Variants in MYL5 observed in about 807,000 individuals in gnomAD.
MYL5 encodes the protein myosin regulatory light chain 5.
A neutral mutation model predicts 20.8 loss-of-function variants in MYL5; 28 were observed. The ratio of observed to expected loss-of-function variants is 1.35; its 90% CI spans 1.00 to 1.84. MYL5 has a LOEUF of 1.84. Ranked by LOEUF, MYL5 falls within the 40% of genes most tolerant of loss-of-function variation. MYL5 has a pLI of 0.00. For synonymous variants in MYL5, 118 were observed against 87.4 expected, an observed-to-expected ratio of 1.35 and a Z score of -1.95; for missense variants, 274 against 227.3, an observed-to-expected ratio of 1.21 and a Z score of -1.32.
exon 6 of MYL5, chr4:681,136 A>T (rs1257364899): frequency 6.2e-7 from 1 of 1,605,986 alleles, no homozygotes; most frequent in Admixed American, 1.7e-5. Context: ...ATGACGGCGG[A>T]AGAGGTCTGG....
intron 1 of MYL5, 195 bp from the exon 4 acceptor site, chr4:678,463 G>A (rs1739079393): frequency 7.0e-7 from 1 of 1,431,168 alleles, no homozygotes; most frequent in African/African-American, 1.4e-5. Context: ...GCTGAAGCCA[G>A]ACACCTGCAG....
At position 681,135 on chromosome 4, in the gene MYL5, G is replaced by T. The variant is rs1233430076; in HGVS notation, c.415G>T (p.Glu139Ter). The T allele has an allele frequency of 1.2e-6, 2 of 1,605,828 alleles. No homozygotes were observed. Among genetic ancestry groups the T allele is most frequent in the Admixed American group, 1.7e-5 (1 of 59,182 alleles). The change falls in exon 6 of 7, where the codon GAA (glutamate) becomes TAA (stop). Residue 139 changes from glutamate (E) to a stop codon, truncating the protein, a stop_gained. Transcript: ENST00000400159. LOFTEE classifies it low-confidence loss of function (END_TRUNC). Reference sequence around the variant, plus strand: ...GTCCCAGGCTGACAAGATGACGGCGGAAGAGGTCTGGCCCGCGGCTTCCCT... The same window carrying T: ...GTCCCAGGCTGACAAGATGACGGCGTAAGAGGTCTGGCCCGCGGCTTCCCT...
chr4:681,308 C>T (rs997579473), intron 6 of MYL5, among the ~76,000 whole-genome samples, 168 bp downstream of exon 8: 3 of 152,098 alleles, frequency 2.0e-5, no homozygotes, highest in African/African-American at 7.2e-5. Flanking sequence ...ACGGAACTGG[C>T]TCAGAGGGAT....
chr4:675,513 G>A (rs1299786755), upstream of MYL5: 1 of 152,386 alleles, frequency 6.6e-6, no homozygotes, highest in Non-Finnish European at 1.5e-5. Flanking sequence ...CGTGATCCTG[G>A]CGGCCTGGGC....
rs1739414640 is a variant in MYL5 at position 680,954 on chromosome 4, C to A, written c.372-138C>A. 3 of 992,758 alleles carry A rather than the reference C, an allele frequency of 3.0e-6. No individual in the cohort carries two copies. The African/African-American group carries it at 4.8e-5, about 16-fold the overall frequency. The allele number at this position is 992,758 out of a possible 1,614,324, so 61.5% of individuals were successfully genotyped here. On this transcript the variant is annotated intron_variant, in intron 5 of 6. Transcript: ENST00000400159. ...GAGTGTGTGTTGGGAAGGGACCTGC[C>A]CCAGGGCCACACTCCAGCGGGAAGG...
rs558121750 is a variant in MYL5 at position 680,642 on chromosome 4, A to T, written c.371+55A>T. The T allele has an allele frequency of 1.1e-5, 17 of 1,558,936 alleles. No individual in the cohort carries two copies. In the African/African-American group the frequency reaches 1.8e-4, roughly 16 times the overall value. ...GCTTCCGGGGAACCCCAGTGATCTC[A>T]TCCTGTCCCAAAAGGGACAGTCAGC... On this transcript the variant is annotated intron_variant, in intron 5 of 6. Transcript: ENST00000400159.
At chr4:681,864 G>T in intron 6 of MYL5, 29 bp from the exon 9 acceptor site, 1 of 1,307,266 alleles carries the variant, frequency 7.6e-7, no homozygotes, top group Non-Finnish European at 9.8e-7. Context: ...CCCGGAGCCC[G>T]CAAGGAGCCC....
rs1739335196 is a variant in MYL5, at chr4:680,376, AGAGGCCACCTT to A, written c.293-131_293-121del. The A allele has an allele frequency of 9.4e-6, 9 of 959,904 alleles. No homozygotes were observed. In the African/African-American group the frequency reaches 1.5e-4, roughly 16 times the overall value. 59.5% of individuals were successfully genotyped at this position (959,904 alleles called of 1,614,324 possible). ...TCAGGAAAGGAGAAGGCCTTCAGGC[AGAGGCCACCTT>A]GTGGGCAGAGGCTTGGAGTCTCCCC... On this transcript the variant is annotated intron_variant, in intron 4 of 6. Transcript: ENST00000400159.
At chr4:677,156 C>T (rs975503731), upstream of MYL5, among the ~76,000 whole-genome samples, 17 of 152,220 alleles carry the variant, frequency 1.1e-4, no homozygotes, top group African/African-American at 2.4e-5. Context: ...CACGCAGACG[C>T]AGGCCTGGGG....
chr4:680,991 G>A (rs1007655952), intron 5 of MYL5, 101 bp from the exon 8 acceptor site: 3 of 1,325,410 alleles, frequency 2.3e-6, no homozygotes, highest in Non-Finnish European at 3.2e-6. Flanking sequence ...CGGGAGTGCA[G>A]TGAGCGAGTA....
intron 5 of MYL5, 186 bp downstream of exon 7, chr4:680,773 C>A: frequency 1.5e-6 from 1 of 673,380 alleles, no homozygotes. Flanking sequence ...CACACAGGGA[C>A]CAGCGCCTGT....
intron 5 of MYL5, 127 bp from the exon 8 acceptor site, chr4:680,965 A>G: frequency 9.2e-7 from 1 of 1,089,610 alleles, no homozygotes; most frequent in Non-Finnish European, 1.3e-6. Flanking sequence ...CCAGGGCCAC[A>G]CTCCAGCGGG....
chr4:679,134 C>A, intron 3 of MYL5, 101 bp downstream of exon 5: 1 of 923,090 alleles, frequency 1.1e-6, no homozygotes, highest in Admixed American at 2.7e-5. Flanking sequence ...GAGCCAGGGC[C>A]CGCGCCTCAG....
At chr4:681,719 C>A (rs1410997464) in intron 6 of MYL5, 174 bp from the exon 9 acceptor site, 47 of 176,312 alleles carry the variant, frequency 2.7e-4, no homozygotes, top group African/African-American at 1.5e-3. Flanking sequence ...CCTCCAGCGC[C>A]GCCCCGCCCC....
intron 5 of MYL5, 121 bp downstream of exon 7, chr4:680,708 C>T: frequency 9.5e-7 from 1 of 1,050,092 alleles, no homozygotes; most frequent in South Asian, 1.4e-5. Flanking sequence ...TGACCAGCTT[C>T]AGGGCCATGA....
At chr4:681,645 GC>G (rs1175118701) in intron 6 of MYL5, among the ~76,000 whole-genome samples, 25 of 2,546 alleles carry the variant, frequency 9.8e-3, no homozygotes, top group African/African-American at 0.028. Flanking sequence ...GCGCCGCCCC[GC>G]CCCCTCCAGC....
intron 6 of MYL5, among the ~76,000 whole-genome samples, chr4:681,468 C>T (rs943628120): frequency 1.3e-5 from 2 of 150,838 alleles, no homozygotes; most frequent in South Asian, 4.2e-4. Flanking sequence ...CTCCCAGCCC[C>T]AGCGGGCGAG....
chr4:681,964 G>T (rs1363074735), exon 7 of MYL5: 4 of 1,372,950 alleles, frequency 2.9e-6, no homozygotes, highest in Non-Finnish European at 3.8e-6. Context: ...TCAGCTACGT[G>T]ATCACCCACG....
chr4:679,773 C>G, intron 3 of MYL5, 141 bp from the exon 6 acceptor site: 1 of 670,780 alleles, frequency 1.5e-6, no homozygotes, highest in South Asian at 1.8e-5. Context: ...CCCACTGCCC[C>G]ACGTGCCTGG....
Sources: gnomAD v4.1 joint callset for allele counts (sites outside exome capture counted in the v4.1 genomes callset) on GRCh38, gnomAD v4.1.1 for gene constraint, MANE v1.5 for transcripts, NCBI Gene and HGNC (gene_info 2026-07-23, HGNC 2026-07-21) for gene names.